Variants in PPP2R2B observed in about 807,000 individuals in gnomAD.
PPP2R2B encodes the protein serine/threonine-protein phosphatase 2A 55 kDa regulatory subunit B beta isoform.
Under a neutral mutation model 46.0 loss-of-function variants are expected in PPP2R2B, and 5 were observed. The ratio of observed to expected loss-of-function variants is 0.11; its 90% confidence interval spans 0.06 to 0.23. The LOEUF is 0.23. PPP2R2B is among the 10% of genes least tolerant of loss of function. PPP2R2B has a pLI of 1.00. For synonymous variants in PPP2R2B, 215 were observed against 206.7 expected (o/e 1.04, Z -0.34); for missense variants, 367 against 575.0 (o/e 0.64, Z 3.70).
intron 1 of PPP2R2B, among the ~76,000 whole-genome samples, chr5:146,893,160 G>C (rs972315975): frequency 2.0e-5 from 3 of 152,140 alleles, no homozygotes; most frequent in African/African-American, 4.8e-5. Context: ...CAGCTCACTT[G>C]CTCTGTAAAG....
At chr5:146,615,089 C>A (rs1436865433) in intron 7 of PPP2R2B, among the ~76,000 whole-genome samples, 13 of 46,826 alleles carry the variant, frequency 2.8e-4, no homozygotes, top group Non-Finnish European at 3.9e-4. Flanking sequence ...ATAGCAAAGA[C>A]TTGGAACCAA....
intron 1 of PPP2R2B, among the ~76,000 whole-genome samples, chr5:147,014,827 A>G (rs1375710765): frequency 1.3e-5 from 2 of 152,122 alleles, no homozygotes; most frequent in South Asian, 2.1e-4. Context: ...TGGCACATGT[A>G]TACATATGTA....
intron 1 of PPP2R2B, among the ~76,000 whole-genome samples, chr5:146,977,178 A>G (rs2049543905): frequency 6.6e-6 from 1 of 152,066 alleles, no homozygotes; most frequent in African/African-American, 2.4e-5. Flanking sequence ...ACAAGGTCCA[A>G]GCTCCCATTA....
chr5:146,902,610 T>G (rs1233998278), intron 1 of PPP2R2B, among the ~76,000 whole-genome samples: 2 of 152,184 alleles, frequency 1.3e-5, no homozygotes, highest in Non-Finnish European at 2.9e-5. Context: ...CTGGTTGCCT[T>G]TTCTCTGTCC....
At chr5:146,877,643 T>C (rs1029368182) in intron 2 of PPP2R2B, among the ~76,000 whole-genome samples, 8 of 152,050 alleles carry the variant, frequency 5.3e-5, no homozygotes, top group Non-Finnish European at 8.8e-5. Flanking sequence ...ACCAAGGTCC[T>C]ACTGGGCCCC....
In PPP2R2B at chr5:147,043,154, ACTC is replaced by A. The variant is rs764175634; in HGVS notation, c.79+12508_79+12510del. 2.0e-5 allele frequency among the ~76,000 whole-genome samples: 3 copies of A among 152,070 alleles called. No individual in the cohort carries two copies. The South Asian group carries it at 6.2e-4, about 32-fold the overall frequency. ...GCTGTAACTCCCTGTTCCTGGCTGA[ACTC>A]CTGAAGACAACCTAAAATAGGTCTT... On this transcript the variant is annotated intron_variant, in intron 1 of 8. Transcript: ENST00000336640.
chr5:147,048,612 T>C (rs1339264934), intron 1 of PPP2R2B, among the ~76,000 whole-genome samples: 1 of 152,180 alleles, frequency 6.6e-6, no homozygotes, highest in Non-Finnish European at 1.5e-5. Flanking sequence ...ACAGGCATTA[T>C]GCTAGGTGTT....
chr5:146,862,306 A>C (rs1761052129), intron 2 of PPP2R2B, among the ~76,000 whole-genome samples: 1 of 152,328 alleles, frequency 6.6e-6, no homozygotes, highest in East Asian at 1.9e-4. Context: ...ATTACTAAGC[A>C]CCTGTGTGCC....
intron 1 of PPP2R2B, among the ~76,000 whole-genome samples, chr5:147,003,432 T>C (rs1188358591): frequency 6.6e-6 from 1 of 152,044 alleles, no homozygotes; most frequent in African/African-American, 2.4e-5. Flanking sequence ...CTTGGGGAAG[T>C]TTTCAGATGA....
intron 1 of PPP2R2B, among the ~76,000 whole-genome samples, chr5:147,053,070 AT>A (rs950716444): frequency 9.2e-5 from 14 of 151,954 alleles, no homozygotes; most frequent in African/African-American, 2.7e-4. Flanking sequence ...TTTTGAATGT[AT>A]TTTTTTGCAA....
chr5:146,677,794 C>G (rs1318662615), intron 5 of PPP2R2B, among the ~76,000 whole-genome samples: 2 of 152,114 alleles, frequency 1.3e-5, no homozygotes, highest in African/African-American at 2.4e-5. Flanking sequence ...TCCCAAAGTG[C>G]TGGGATTACA....
chr5:146,897,283 G>A (rs1159152635), intron 1 of PPP2R2B, among the ~76,000 whole-genome samples: 4 of 152,098 alleles, frequency 2.6e-5, no homozygotes, highest in South Asian at 2.1e-4. Context: ...AAAATGGAGC[G>A]GGTGTGAAAA....
intron 1 of PPP2R2B, among the ~76,000 whole-genome samples, chr5:146,946,804 C>A (rs1352238899): frequency 1.3e-5 from 2 of 151,964 alleles, no homozygotes; most frequent in African/African-American, 4.8e-5. Context: ...GGATTGTTTC[C>A]ATCTAAACAA....
chr5:147,031,094 G>A (rs1363139915), intron 1 of PPP2R2B, among the ~76,000 whole-genome samples: 7 of 152,044 alleles, frequency 4.6e-5, no homozygotes, highest in Non-Finnish European at 8.8e-5. Flanking sequence ...AAAATTAGCT[G>A]GGCATGGTGG....
At chr5:146,826,680 T>C (rs777307918) in intron 2 of PPP2R2B, among the ~76,000 whole-genome samples, 8 of 152,192 alleles carry the variant, frequency 5.3e-5, no homozygotes, top group Non-Finnish European at 1.2e-4. Context: ...GCAACTTTAA[T>C]AATTACACCA....
chr5:146,981,434 TTTA>T (rs1379710164), intron 1 of PPP2R2B, among the ~76,000 whole-genome samples: 13 of 152,180 alleles, frequency 8.5e-5, no homozygotes, highest in South Asian at 2.1e-4. Context: ...TTTTCTGGCT[TTTA>T]TTGTTTTCGA....
At chr5:146,873,157 A>C (rs1761709115) in intron 2 of PPP2R2B, among the ~76,000 whole-genome samples, 1 of 152,172 alleles carries the variant, frequency 6.6e-6, no homozygotes, top group South Asian at 2.1e-4. Context: ...TCATGGCAAA[A>C]TTCTGGGAGT....
At chr5:146,960,325 T>C (rs976035224) in intron 1 of PPP2R2B, among the ~76,000 whole-genome samples, 2 of 152,082 alleles carry the variant, frequency 1.3e-5, no homozygotes, top group African/African-American at 4.8e-5. Context: ...AGTCTCACTC[T>C]GTCACCCAGG....
At chr5:146,598,435 A>T (rs948173230) in intron 8 of PPP2R2B, among the ~76,000 whole-genome samples, 3 of 152,126 alleles carry the variant, frequency 2.0e-5, no homozygotes, top group Non-Finnish European at 2.9e-5. Context: ...AGAAGATCTC[A>T]TCCAGTCCTA....
Sources: gnomAD v4.1 joint callset for allele counts (sites outside exome capture counted in the v4.1 genomes callset) on GRCh38, gnomAD v4.1.1 for gene constraint, MANE v1.5 for transcripts, NCBI Gene and HGNC (gene_info 2026-07-23, HGNC 2026-07-21) for gene names.